Variants in AVIL observed in about 807,000 individuals in gnomAD.
The protein encoded by AVIL is advillin.
A neutral mutation model predicts 109.9 loss-of-function variants in AVIL; 78 were observed. That is an observed-to-expected ratio of 0.71 (90% CI 0.59 to 0.86). The LOEUF is 0.86. AVIL is among the 40% of genes least tolerant of loss of function. The pLI, the probability that AVIL is intolerant of heterozygous loss-of-function variation, is 0.00. For missense variants in AVIL, 892 were observed against 1,016.5 expected (o/e 0.88, Z 1.67); for synonymous variants, 367 against 379.1 (o/e 0.97, Z 0.37).
rs781653847 is a variant in AVIL at position 57,810,423 on chromosome 12, T to C, written c.687A>G (p.Arg229=). 1 of 1,614,164 alleles carries C rather than the reference T, an allele frequency of 6.2e-7. No individual in the cohort carries two copies. The highest frequency in any genetic ancestry group is 1.1e-5 in the South Asian group (1 of 91,076). ...GGACTGTAGGCTTGATAATGGAGCG[T>C]CGGCCAAGGGTGTCCTGAAGGACCT... is the stretch of plus-strand genomic sequence containing the variant. The part of the protein sequence containing the change: ...LMKVLQDTLG[R]RSIIKPTVPD... Residue 229 remains arginine (R), a synonymous_variant, in exon 7 of 20, where the codon CGA becomes CGG. Transcript: ENST00000549994.
chr12:57,812,813 T>C (rs1395011232), intron 4 of AVIL, among the ~76,000 whole-genome samples: 1 of 152,136 alleles, frequency 6.6e-6, no homozygotes, highest in African/African-American at 2.4e-5. Context: ...TACTCCGTGG[T>C]GTGCATGTCC....
At chr12:57,811,608 C>T (rs1292556224) in intron 4 of AVIL, among the ~76,000 whole-genome samples, 1 of 152,196 alleles carries the variant, frequency 6.6e-6, no homozygotes, top group African/African-American at 2.4e-5. Flanking sequence ...AGCCTCCGAG[C>T]CAGGGGTCCT....
At chr12:57,808,917 G>A (rs1276362571) in intron 9 of AVIL, 2 of 231,234 alleles carry the variant, frequency 8.6e-6, no homozygotes, top group Admixed American at 5.2e-5. Flanking sequence ...CTTGAGGACA[G>A]GGCCATTAAC....
chr12:57,814,517 G>A, intron 2 of AVIL: 1 of 361,222 alleles, frequency 2.8e-6, no homozygotes, highest in Non-Finnish European at 5.3e-6. Context: ...ACTATTGTGG[G>A]AAACCTGTGA....
chr12:57,801,727 C>T (rs567008594), intron 17 of AVIL, among the ~76,000 whole-genome samples: 1 of 151,556 alleles, frequency 6.6e-6, no homozygotes, highest in East Asian at 1.9e-4. Context: ...ACAACAAGAG[C>T]GAAATTCTGT....
intron 1 of AVIL, 187 bp from the exon 2 acceptor site, chr12:57,816,246 G>A: frequency 1.8e-6 from 1 of 544,166 alleles, no homozygotes; most frequent in Non-Finnish European, 3.2e-6. Context: ...GAGCCTGGCT[G>A]GCCTGGGGAT....
At position 57,813,385 on chromosome 12, in the gene AVIL, G is replaced by C. The variant is rs769252664; in HGVS notation, c.180C>G (p.His60Gln). 1 of 1,614,178 alleles carries C rather than the reference G, an allele frequency of 6.2e-7. No homozygotes were observed. Among genetic ancestry groups the C allele is most frequent in the Admixed American group, 1.7e-5 (1 of 60,028 alleles). Residue 60 changes from histidine to glutamine, a missense_variant, in exon 4 of 20, where the codon CAC becomes CAG. Coordinates refer to ENST00000549994, the MANE Select transcript of AVIL (RefSeq NM_006576.4). ...GGGAGGAGTCCTTCCCGATCCAGAA[G>C]TGGATGTCCTGGGATAGGAGACTGG... is the stretch of plus-strand genomic sequence containing the variant. Reference protein sequence around the residue: ...RVASLLSQDIHFWIGKDSSQD... With the variant: ...RVASLLSQDIQFWIGKDSSQD...
At chr12:57,811,919 C>T (rs1432561568) in intron 4 of AVIL, among the ~76,000 whole-genome samples, 4 of 152,244 alleles carry the variant, frequency 2.6e-5, no homozygotes, top group Admixed American at 2.6e-4. Flanking sequence ...GCCTGTCCTA[C>T]TCCCATTCCT....
intron 13 of AVIL, 126 bp downstream of exon 13, chr12:57,807,202 CCTT>C: frequency 1.5e-6 from 2 of 1,362,760 alleles, no homozygotes; most frequent in Non-Finnish European, 2.0e-6. Flanking sequence ...GGATTAACCC[CCTT>C]CTTCCTCTGT....
At chr12:57,809,266 C>T (rs1279616460) in intron 9 of AVIL, 3 of 287,306 alleles carry the variant, frequency 1.0e-5, no homozygotes, top group East Asian at 8.6e-5. Flanking sequence ...TCCCAAAGTG[C>T]TGGGATTACA....
chr12:57,810,633 C>A, intron 6 of AVIL, 82 bp from the exon 7 acceptor site: 1 of 1,518,856 alleles, frequency 6.6e-7, no homozygotes, highest in East Asian at 2.3e-5. Context: ...AGCCTAGATC[C>A]CAGACACAGG....
intron 4 of AVIL, 77 bp downstream of exon 4, chr12:57,813,150 A>G: frequency 1.4e-6 from 2 of 1,454,088 alleles, no homozygotes; most frequent in East Asian, 2.3e-5. Flanking sequence ...TACTTTCTTG[A>G]TAATGCATGT....
rs1228860797 is a variant in AVIL at position 57,811,142 on chromosome 12, A to G, written c.339-15T>C. 4.3e-6 allele frequency: 7 copies of G among 1,613,034 alleles called. No homozygotes were observed. Among genetic ancestry groups the G allele is most frequent in the Non-Finnish European group, 5.1e-6 (6 of 1,179,078 alleles). On this transcript the variant is annotated splice_polypyrimidine_tract_variant and intron_variant, in intron 4 of 19. Coordinates refer to ENST00000549994, the MANE Select transcript of AVIL (RefSeq NM_006576.4). Reference sequence around the variant, plus strand: ...CCTGCTTGTAGCTAAGGGAACATCCATTCAGTTATTTGAGTGCCTGCTATG... The same window carrying G: ...CCTGCTTGTAGCTAAGGGAACATCCGTTCAGTTATTTGAGTGCCTGCTATG...
At position 57,807,539 on chromosome 12, in the gene AVIL, G is replaced by C. The variant is rs111851822; in HGVS notation, c.1333-50C>G. On this transcript the variant is annotated intron_variant, in intron 12 of 19. Coordinates refer to ENST00000549994, the MANE Select transcript of AVIL (RefSeq NM_006576.4). ...GACCCATGCTCCCCGCCCCAGCCCAGTGGCCAGAGGACACATCAGGATCCA... is the reference window on the plus strand; with the variant it reads ...GACCCATGCTCCCCGCCCCAGCCCACTGGCCAGAGGACACATCAGGATCCA... The C allele has an allele frequency of 3.7e-5, 59 of 1,614,274 alleles. No individual in the cohort carries two copies. The African/African-American group carries it at 5.9e-4, about 16-fold the overall frequency.
intron 14 of AVIL, among the ~76,000 whole-genome samples, chr12:57,805,221 A>C (rs1955924361): frequency 6.6e-6 from 1 of 151,380 alleles, no homozygotes; most frequent in Admixed American, 6.6e-5. Flanking sequence ...ATGCCCAGCT[A>C]ATTTTTTGTA....
rs1565838062 is a variant in AVIL at position 57,813,209 on chromosome 12, C to T, written c.338+18G>A. 1.9e-6 allele frequency: 3 copies of T among 1,590,758 alleles called. No individual in the cohort carries two copies. Among genetic ancestry groups the T allele is most frequent in the East Asian group, 4.5e-5 (2 of 44,326 alleles). The stretch of plus-strand genomic sequence containing the variant: ...GTAAACTGCTGTTTCTGTCCTTGCT[C>T]TGTGCACCCCTACTCACATGATGCC... On this transcript the variant is annotated intron_variant, in intron 4 of 19. Transcript: ENST00000549994.
Position 57,809,864 on chromosome 12 carries a change from G to A in AVIL, c.788C>T (p.Ala263Val), listed in dbSNP as rs1372721932. ...AGGCCTTGTTGCTACCTCTGTGACT[G>A]CCAGCTGCCCAGCTGAATCTGAGAT... ...YHISDSAGQL[A>V]VTEVATRPLV... The change falls in exon 8 of 20, where the codon GCA (alanine) becomes GTA (valine). Residue 263 changes from alanine (A) to valine (V), a missense_variant. Transcript: ENST00000549994. The A allele has an allele frequency of 1.2e-6, 2 of 1,614,200 alleles. No homozygotes were observed. Among genetic ancestry groups the A allele is most frequent in the Admixed American group, 3.3e-5 (2 of 60,018 alleles).
chr12:57,797,923 A>G lies in AVIL; in HGVS notation c.2419T>C (p.Trp807Arg). ...TRGQFAALPG[W>R]KQLQMKKEKG... is the part of the protein sequence containing the mutation. ...TCTTTCTTCATTTGGAGCTGTTTCC[A>G]GCCAGGCAGAGCTGCAAATTGCCCT... The change falls in exon 20 of 20, where the codon TGG (tryptophan) becomes CGG (arginine). Residue 807 changes from tryptophan (W) to arginine (R), a missense_variant. By Grantham distance (101) the Trp-to-Arg change is moderately radical. Transcript: ENST00000549994. 6.2e-7 allele frequency: 1 copy of G among 1,612,548 alleles called. No homozygotes were observed. The highest frequency in any genetic ancestry group is 8.5e-7 in the Non-Finnish European group (1 of 1,179,122).
At chr12:57,813,097 T>C (rs1027750716) in intron 4 of AVIL, 130 bp downstream of exon 4, 18 of 1,157,762 alleles carry the variant, frequency 1.6e-5, no homozygotes, top group Non-Finnish European at 2.2e-5. Context: ...GCTGCTCTAG[T>C]GGGTGGAAGT....
Sources: allele counts gnomAD v4.1 joint callset (sites outside exome capture counted in the v4.1 genomes callset), GRCh38; gene constraint gnomAD v4.1.1; transcripts MANE v1.5; gene names NCBI Gene and HGNC (gene_info 2026-07-23, HGNC 2026-07-21).